GALNTL6: variants seen among roughly 807,000 people sequenced by gnomAD.
The protein encoded by GALNTL6 is polypeptide N-acetylgalactosaminyltransferase like 6, also known as polypeptide N-acetylgalactosaminyltransferase-like 6.
In GALNTL6, 46 loss-of-function variants were observed where a neutral mutation model predicts 73.7. That is an observed-to-expected ratio of 0.62 (90% CI 0.49 to 0.80). The LOEUF is 0.80. GALNTL6 is among the 30% of genes least tolerant of loss of function. The probability of loss-of-function intolerance (pLI) is 0.00; values close to 1 mark genes in which losing one functional copy is unlikely to be tolerated. For missense variants in GALNTL6, 604 were observed against 755.0 expected (o/e 0.80, Z 2.34); for synonymous variants, 259 against 263.7 (o/e 0.98, Z 0.17).
chr4:172,545,968 T>A (rs1735728914), intron 5 of GALNTL6, among the ~76,000 whole-genome samples: 1 of 152,204 alleles, frequency 6.6e-6, no homozygotes, highest in African/African-American at 2.4e-5. Context: ...ATAATAGTGC[T>A]TACTTACTAT....
intron 5 of GALNTL6, among the ~76,000 whole-genome samples, chr4:172,740,173 C>T (rs142020507): frequency 5.6e-4 from 85 of 152,160 alleles, no homozygotes; most frequent in African/African-American, 1.9e-3. Flanking sequence ...CTTCTCCCCA[C>T]GTGATTTATA....
intron 5 of GALNTL6, among the ~76,000 whole-genome samples, chr4:172,718,489 T>G (rs1477958957): frequency 4.6e-5 from 7 of 151,656 alleles, no homozygotes; most frequent in Non-Finnish European, 8.8e-5. Context: ...AAAAAACATA[T>G]GAGCCAGGTA....
chr4:172,991,566 A>G (rs1321736797), intron 10 of GALNTL6, among the ~76,000 whole-genome samples: 1 of 151,248 alleles, frequency 6.6e-6, no homozygotes, highest in Non-Finnish European at 1.5e-5. Context: ...CACTCAGCTA[A>G]TTTTTGTGTT....
At chr4:172,193,771 G>A (rs1000505385) in intron 2 of GALNTL6, among the ~76,000 whole-genome samples, 1 of 152,196 alleles carries the variant, frequency 6.6e-6, no homozygotes, top group Non-Finnish European at 1.5e-5. Context: ...GCTGAGGCAG[G>A]AGAATGGCGT....
chr4:172,366,164 C>A (rs1742551215), intron 5 of GALNTL6, among the ~76,000 whole-genome samples: 1 of 151,764 alleles, frequency 6.6e-6, no homozygotes, highest in South Asian at 2.1e-4. Flanking sequence ...TGCAGTTTAT[C>A]AAAAAATAGT....
At chr4:172,998,439 C>T (rs535466673) in intron 10 of GALNTL6, among the ~76,000 whole-genome samples, 1 of 152,284 alleles carries the variant, frequency 6.6e-6, no homozygotes, top group South Asian at 2.1e-4. Context: ...TCAAATATCC[C>T]TATCCCCAAA....
intron 2 of GALNTL6, among the ~76,000 whole-genome samples, chr4:172,189,307 C>T (rs10022218): frequency 0.064 from 9,805 of 152,174 alleles, 514 homozygotes; most frequent in African/African-American, 0.15. Flanking sequence ...ATAATAAGCA[C>T]TAATTCTACA....
intron 5 of GALNTL6, among the ~76,000 whole-genome samples, chr4:172,652,579 C>A (rs1560858178): frequency 1.3e-5 from 2 of 152,134 alleles, no homozygotes; most frequent in Non-Finnish European, 2.9e-5. Context: ...GGCAAGAATT[C>A]TTTACATTTG....
intron 5 of GALNTL6, among the ~76,000 whole-genome samples, chr4:172,808,680 T>G (rs1210371442): frequency 6.6e-6 from 1 of 152,260 alleles, no homozygotes; most frequent in African/African-American, 2.4e-5. Flanking sequence ...TTATCCGATT[T>G]GATTTTGTTT....
At chr4:172,468,729 C>A (rs970792892) in intron 5 of GALNTL6, among the ~76,000 whole-genome samples, 6 of 152,122 alleles carry the variant, frequency 3.9e-5, no homozygotes, top group Non-Finnish European at 7.3e-5. Context: ...AGGAGAGAGA[C>A]ATCGAAGCAA....
At chr4:172,307,795 C>T (rs1740197632) in intron 3 of GALNTL6, among the ~76,000 whole-genome samples, 1 of 151,944 alleles carries the variant, frequency 6.6e-6, no homozygotes, top group Admixed American at 6.6e-5. Flanking sequence ...AATGTGATGC[C>T]TCCAGATTTG....
At chr4:172,936,459 A>G (rs907716646) in intron 9 of GALNTL6, among the ~76,000 whole-genome samples, 1 of 152,204 alleles carries the variant, frequency 6.6e-6, no homozygotes, top group African/African-American at 2.4e-5. Context: ...AGAGTATTCA[A>G]ATAGGAAAAG....
chr4:172,262,852 A>G (rs1738305719), intron 3 of GALNTL6, among the ~76,000 whole-genome samples: 1 of 151,506 alleles, frequency 6.6e-6, no homozygotes, highest in African/African-American at 2.4e-5. Flanking sequence ...TGTCTGAAAA[A>G]AGTTTTATCT....
At chr4:172,174,899 A>T (rs1291797361) in intron 2 of GALNTL6, among the ~76,000 whole-genome samples, 1 of 152,224 alleles carries the variant, frequency 6.6e-6, no homozygotes, top group African/African-American at 2.4e-5. Flanking sequence ...GATGACACAT[A>T]CATAAATATT....
intron 10 of GALNTL6, among the ~76,000 whole-genome samples, chr4:172,961,922 A>T (rs189428479): frequency 6.6e-6 from 1 of 152,348 alleles, no homozygotes; most frequent in African/African-American, 2.4e-5. Context: ...GTGTGAAGAG[A>T]CCACCAAACA....
chr4:171,835,486 C>G (rs547447326), intron 2 of GALNTL6, among the ~76,000 whole-genome samples: 1 of 151,852 alleles, frequency 6.6e-6, no homozygotes, highest in East Asian at 1.9e-4. Flanking sequence ...AGTTTTATAA[C>G]CTAAATGTTA....
At chr4:172,460,370 G>C (rs920334341) in intron 5 of GALNTL6, among the ~76,000 whole-genome samples, 2 of 152,094 alleles carry the variant, frequency 1.3e-5, no homozygotes, top group Admixed American at 1.3e-4. Flanking sequence ...ATTGACAAAT[G>C]GGACCTAATT....
At chr4:172,781,119 G>T (rs987715091) in intron 5 of GALNTL6, among the ~76,000 whole-genome samples, 1 of 152,212 alleles carries the variant, frequency 6.6e-6, no homozygotes, top group East Asian at 1.9e-4. Flanking sequence ...TAAACCAAAA[G>T]GCCGTAAGTT....
intron 5 of GALNTL6, among the ~76,000 whole-genome samples, chr4:172,796,850 A>G (rs1228561809): frequency 6.6e-6 from 1 of 152,218 alleles, no homozygotes; most frequent in Non-Finnish European, 1.5e-5. Context: ...TTCTGGTCTC[A>G]TCTAAATTGA....
Sources: allele counts gnomAD v4.1 joint callset (sites outside exome capture counted in the v4.1 genomes callset), GRCh38; gene constraint gnomAD v4.1.1; transcripts MANE v1.5; gene names NCBI Gene and HGNC (gene_info 2026-07-23, HGNC 2026-07-21).